BRINP1: variants seen among roughly 807,000 people sequenced by gnomAD.
The protein encoded by BRINP1 is BMP/retinoic acid inducible neural specific 1.
BRINP1 carries 17 observed loss-of-function variants against 72.9 expected under a neutral mutation model. The observed-to-expected ratio is 0.23, with a 90% confidence interval of 0.16 to 0.35. The LOEUF (loss-of-function observed/expected upper bound fraction) is 0.35, where lower values mean the gene tolerates loss of function less well. Among genes scored for constraint, BRINP1 ranks in the 10% least tolerant of loss-of-function variants. The pLI is 1.00. For synonymous variants in BRINP1, 418 were observed against 378.5 expected, an observed-to-expected ratio of 1.10 and a Z score of -1.21; for missense variants, 850 against 1,001.6, an observed-to-expected ratio of 0.85 and a Z score of 2.04.
intron 2 of BRINP1, 139 bp downstream of exon 2, chr9:119,312,999 A>T (rs1831084510): frequency 3.1e-6 from 3 of 955,642 alleles, no homozygotes; most frequent in Non-Finnish European, 4.5e-6. Context: ...AAAAAAAATT[A>T]ATCAAAAACA....
intron 2 of BRINP1, among the ~76,000 whole-genome samples, chr9:119,255,907 A>G (rs953800225): frequency 8.2e-6 from 1 of 122,314 alleles, no homozygotes; most frequent in Non-Finnish European, 1.6e-5. Flanking sequence ...GTGAGCCGGG[A>G]TCGAGCCACT....
intron 5 of BRINP1, among the ~76,000 whole-genome samples, chr9:119,220,121 C>A (rs78091049): frequency 0.045 from 6,844 of 152,116 alleles, 505 homozygotes; most frequent in African/African-American, 0.16. Context: ...TCTGTGAGCT[C>A]CTTAGAGGAA....
At chr9:119,182,217 C>G (rs1407240661) in intron 7 of BRINP1, among the ~76,000 whole-genome samples, 1 of 152,138 alleles carries the variant, frequency 6.6e-6, no homozygotes, top group African/African-American at 2.4e-5. Context: ...ACAACATCAA[C>G]AAAACAACTT....
intron 1 of BRINP1, among the ~76,000 whole-genome samples, chr9:119,338,126 G>T (rs1831366353): frequency 6.6e-6 from 1 of 152,162 alleles, no homozygotes; most frequent in Non-Finnish European, 1.5e-5. Context: ...GTGTTGAGTT[G>T]CAGGAGAGGA....
At chr9:119,345,242 G>A (rs1041327749) in intron 1 of BRINP1, among the ~76,000 whole-genome samples, 13 of 151,944 alleles carry the variant, frequency 8.6e-5, no homozygotes, top group African/African-American at 3.1e-4. Flanking sequence ...AACAATTTTT[G>A]TTCTCTTAAC....
intron 2 of BRINP1, among the ~76,000 whole-genome samples, chr9:119,302,675 C>T (rs1830950861): frequency 6.6e-6 from 1 of 152,160 alleles, no homozygotes; most frequent in Non-Finnish European, 1.5e-5. Flanking sequence ...GTGTCCATTA[C>T]TTATGGTGAA....
chr9:119,262,703 T>G (rs1466117752), intron 2 of BRINP1, among the ~76,000 whole-genome samples: 2 of 149,092 alleles, frequency 1.3e-5, no homozygotes, highest in Non-Finnish European at 3.0e-5. Context: ...CACTGGACTG[T>G]GGGCACAGGC....
At chr9:119,284,192 G>T (rs944280319) in intron 2 of BRINP1, among the ~76,000 whole-genome samples, 2 of 152,148 alleles carry the variant, frequency 1.3e-5, no homozygotes, top group Non-Finnish European at 2.9e-5. Context: ...CTCTGGGAAA[G>T]CCCATGCTTT....
intron 5 of BRINP1, among the ~76,000 whole-genome samples, chr9:119,232,485 T>A (rs1830157579): frequency 2.6e-5 from 4 of 152,188 alleles, no homozygotes. Context: ...TTTTGCCATG[T>A]TCTACAAGTT....
chr9:119,250,888 A>C (rs1830380780), intron 2 of BRINP1, among the ~76,000 whole-genome samples: 2 of 152,160 alleles, frequency 1.3e-5, no homozygotes, highest in African/African-American at 4.8e-5. Context: ...TTTAATGAAA[A>C]GGTCTCTCTC....
At chr9:119,338,840 A>ACAC (rs370259038) in intron 1 of BRINP1, among the ~76,000 whole-genome samples, 3,174 of 151,256 alleles carry the variant, frequency 0.021, 129 homozygotes, top group African/African-American at 0.073. Flanking sequence ...AGCCGAGATC[A>ACAC]CACCACCGCA....
At chr9:119,363,386 G>T (rs1831655618) in intron 1 of BRINP1, among the ~76,000 whole-genome samples, 1 of 152,112 alleles carries the variant, frequency 6.6e-6, no homozygotes. Context: ...AGAGGCATGA[G>T]CCACCAAGCC....
At chr9:119,268,285 T>TAGATAGACAGATAGATAGAC (rs71382946) in intron 2 of BRINP1, among the ~76,000 whole-genome samples, 1 of 148,502 alleles carries the variant, frequency 6.7e-6, no homozygotes, top group East Asian at 2.0e-4. Context: ...GATAGATAGA[T>TAGATAGACAGATAGATAGAC]AGATAGATAG....
At chr9:119,206,418 TCAAAAAAAAAAA>T (rs1564216822) in intron 7 of BRINP1, among the ~76,000 whole-genome samples, 1 of 38,650 alleles carries the variant, frequency 2.6e-5, no homozygotes, top group Non-Finnish European at 4.0e-5. Context: ...AGACTCCATC[TCAAAAAAAAAAA>T]AAAAAAAAAA....
At chr9:119,302,845 T>C (rs1830952863) in intron 2 of BRINP1, among the ~76,000 whole-genome samples, 2 of 152,150 alleles carry the variant, frequency 1.3e-5, no homozygotes, top group South Asian at 2.1e-4. Context: ...TATTTTTTTT[T>C]CAACACTCCT....
At position 119,194,977 on chromosome 9, in the gene BRINP1, CTG is replaced by C. The variant is rs146605441; in HGVS notation, c.1145+13740_1145+13741del. On this transcript the variant is annotated intron_variant, in intron 7 of 7. Coordinates refer to ENST00000265922, the MANE Select transcript of BRINP1 (RefSeq NM_014618.3). ...ACATAGTTATTCTGGACAAAACACT[CTG>C]TTTCATTTTACTCCTTAAGAAAATG... Among the ~76,000 whole-genome samples the C allele has an allele frequency of 3.3e-4, 50 of 152,290 alleles. 1 individual carries two copies. In the East Asian group the frequency reaches 7.5e-3, roughly 23 times the overall value.
chr9:119,169,435 C>T (rs557760422), intron 7 of BRINP1, among the ~76,000 whole-genome samples: 10 of 152,346 alleles, frequency 6.6e-5, no homozygotes, highest in Middle Eastern at 3.4e-3. Flanking sequence ...GCTTAAAAAA[C>T]GGCGCACCGC....
chr9:119,258,551 C>T (rs1830467806), intron 2 of BRINP1, among the ~76,000 whole-genome samples: 1 of 152,160 alleles, frequency 6.6e-6, no homozygotes, highest in African/African-American at 2.4e-5. Context: ...TCCAAAATAT[C>T]AGGATAGAGG....
intron 2 of BRINP1, among the ~76,000 whole-genome samples, chr9:119,279,673 A>G (rs1830689033): frequency 6.6e-6 from 1 of 152,236 alleles, no homozygotes; most frequent in South Asian, 2.1e-4. Context: ...GCCTGCACTA[A>G]TGAACTGATG....
Sources: gnomAD v4.1 joint callset for allele counts (sites outside exome capture counted in the v4.1 genomes callset) on GRCh38, gnomAD v4.1.1 for gene constraint, MANE v1.5 for transcripts, NCBI Gene and HGNC (gene_info 2026-07-23, HGNC 2026-07-21) for gene names.